KHDRBS2: variants seen among roughly 807,000 people sequenced by gnomAD.
KHDRBS2 encodes KH domain-containing, RNA-binding, signal transduction-associated protein 2.
Under a neutral mutation model 44.3 loss-of-function variants are expected in KHDRBS2, and 26 were observed. The ratio of observed to expected loss-of-function variants is 0.59; its 90% CI spans 0.43 to 0.81. KHDRBS2 has a LOEUF of 0.81. Ranked by LOEUF, KHDRBS2 falls within the 40% of genes least tolerant of loss-of-function variation. KHDRBS2 has a pLI of 0.00. For missense variants in KHDRBS2, 476 were observed against 433.1 expected, an observed-to-expected ratio of 1.10 and a Z score of -0.88; for synonymous variants, 194 against 151.1, an observed-to-expected ratio of 1.28 and a Z score of -2.08.
chr6:61,955,495 C>CAT lies in KHDRBS2; in HGVS notation c.483+22569_483+22570dup, dbSNP rs540193479. Reference sequence around the variant, plus strand: ...ATATACACATATGTATGTATGTATACATGTGTATATATACACATATGTATG... The same window carrying CAT: ...ATATACACATATGTATGTATGTATACATATGTGTATATATACACATATGTATG... On this transcript the variant is annotated intron_variant, in intron 4 of 8. Coordinates refer to ENST00000281156, the MANE Select transcript of KHDRBS2 (RefSeq NM_152688.4). 4.6e-3 allele frequency among the ~76,000 whole-genome samples: 224 copies of CAT among 48,574 alleles called. 25 individuals are homozygous for CAT. The highest frequency in any genetic ancestry group is 7.3e-3 in the South Asian group (8 of 1,092). 31.9% of individuals were successfully genotyped at this position (48,574 alleles called of 152,430 possible). A position where few individuals can be genotyped will look rare whatever the true frequency, so the allele number is the denominator to read the frequency against.
At chr6:61,868,452 G>T (rs868528471) in intron 6 of KHDRBS2, among the ~76,000 whole-genome samples, 1 of 152,110 alleles carries the variant, frequency 6.6e-6, no homozygotes, top group African/African-American at 2.4e-5. Flanking sequence ...AATGAATCAG[G>T]GTCCTGCTTA....
intron 6 of KHDRBS2, among the ~76,000 whole-genome samples, chr6:61,735,723 G>A (rs1452263211): frequency 6.6e-6 from 1 of 151,916 alleles, no homozygotes; most frequent in African/African-American, 2.4e-5. Flanking sequence ...TGTTACATAT[G>A]TGATATTGTA....
At chr6:62,141,977 A>G (rs1454860082) in intron 2 of KHDRBS2, among the ~76,000 whole-genome samples, 1 of 152,116 alleles carries the variant, frequency 6.6e-6, no homozygotes, top group Non-Finnish European at 1.5e-5. Context: ...AATTTTAAGT[A>G]GCCCTTACAA....
chr6:61,842,757 A>C (rs954286075), intron 6 of KHDRBS2, among the ~76,000 whole-genome samples: 1 of 152,172 alleles, frequency 6.6e-6, no homozygotes, highest in African/African-American at 2.4e-5. Flanking sequence ...TCCACACAAA[A>C]TCTTGTACAC....
At chr6:62,004,189 C>A (rs1205494975) in intron 3 of KHDRBS2, among the ~76,000 whole-genome samples, 1 of 152,074 alleles carries the variant, frequency 6.6e-6, no homozygotes, top group African/African-American at 2.4e-5. Flanking sequence ...CACGAAAAAT[C>A]CTTCAAAAAA....
At chr6:61,553,470 A>G in the KHDRBS2 span, among the ~76,000 whole-genome samples, 2 of 151,992 alleles carry the variant, frequency 1.3e-5, no homozygotes, top group Non-Finnish European at 2.9e-5. Flanking sequence ...GGATTCATTC[A>G]TCATTTGCAT....
intron 1 of KHDRBS2, among the ~76,000 whole-genome samples, chr6:62,191,258 T>G (rs2150131539): frequency 6.6e-6 from 1 of 152,250 alleles, no homozygotes; most frequent in East Asian, 1.9e-4. Flanking sequence ...TTTCTAGTCT[T>G]CTTTCTTGCC....
intron 1 of KHDRBS2, among the ~76,000 whole-genome samples, chr6:62,271,564 T>C (rs1427943946): frequency 6.6e-6 from 1 of 152,132 alleles, no homozygotes; most frequent in East Asian, 1.9e-4. Flanking sequence ...CAGAGGGAGA[T>C]ATGATTATCA....
chr6:62,227,676 TTTTTA>T (rs1446653564), intron 1 of KHDRBS2, among the ~76,000 whole-genome samples: 1 of 152,158 alleles, frequency 6.6e-6, no homozygotes, highest in East Asian at 1.9e-4. Context: ...TAAATAGTTG[TTTTTA>T]TTTTGAGATA....
the KHDRBS2 span, among the ~76,000 whole-genome samples, chr6:61,627,779 A>T: frequency 6.6e-6 from 1 of 152,234 alleles, no homozygotes; most frequent in African/African-American, 2.4e-5. Context: ...GTTGGTCTTG[A>T]TTTTCATCTC....
intron 3 of KHDRBS2, among the ~76,000 whole-genome samples, chr6:62,012,669 T>G (rs1245538724): frequency 6.6e-6 from 1 of 152,060 alleles, no homozygotes; most frequent in Admixed American, 6.6e-5. Context: ...CCACCTAGAG[T>G]GCACTTCTGA....
chr6:61,834,375 C>T (rs944577271), intron 6 of KHDRBS2, among the ~76,000 whole-genome samples: 8 of 151,910 alleles, frequency 5.3e-5, no homozygotes, highest in African/African-American at 1.9e-4. Context: ...TACAATGAAA[C>T]TACATAATGA....
chr6:61,796,339 A>G (rs1001137095), intron 6 of KHDRBS2, among the ~76,000 whole-genome samples: 2 of 151,960 alleles, frequency 1.3e-5, no homozygotes, highest in Non-Finnish European at 2.9e-5. Context: ...TGTAATTAGC[A>G]TATAATTATA....
chr6:62,071,661 C>T (rs1795127233), intron 2 of KHDRBS2, among the ~76,000 whole-genome samples: 1 of 152,052 alleles, frequency 6.6e-6, no homozygotes, highest in South Asian at 2.1e-4. Context: ...AGATATGTGG[C>T]ATTATTTCTG....
intron 6 of KHDRBS2, among the ~76,000 whole-genome samples, chr6:61,751,114 A>T (rs1481781912): frequency 6.6e-6 from 1 of 152,194 alleles, no homozygotes; most frequent in African/African-American, 2.4e-5. Context: ...CCCATTTTAT[A>T]ACTGAGGATA....
At chr6:61,765,465 A>C (rs2127574132) in intron 6 of KHDRBS2, among the ~76,000 whole-genome samples, 1 of 152,214 alleles carries the variant, frequency 6.6e-6, no homozygotes, top group African/African-American at 2.4e-5. Flanking sequence ...AAACAATAAA[A>C]AATAAATAAG....
chr6:62,229,951 A>C (rs1293708690), intron 1 of KHDRBS2, among the ~76,000 whole-genome samples: 1 of 152,196 alleles, frequency 6.6e-6, no homozygotes, highest in Non-Finnish European at 1.5e-5. Flanking sequence ...CCTTGGCCCC[A>C]GCTCCCAGTT....
chr6:61,596,416 T>G, the KHDRBS2 span, among the ~76,000 whole-genome samples: 1 of 152,162 alleles, frequency 6.6e-6, no homozygotes, highest in Non-Finnish European at 1.5e-5. Flanking sequence ...TACCAAAGAT[T>G]ATCTCAAATT....
chr6:61,732,589 A>G, intron 7 of KHDRBS2, 93 bp downstream of exon 7: 1 of 768,754 alleles, frequency 1.3e-6, no homozygotes, highest in Admixed American at 2.1e-5. Flanking sequence ...ACTACTAGAA[A>G]TTCTCACATG....
Sources: gnomAD v4.1 joint callset for allele counts (sites outside exome capture counted in the v4.1 genomes callset) on GRCh38, gnomAD v4.1.1 for gene constraint, MANE v1.5 for transcripts, NCBI Gene and HGNC (gene_info 2026-07-23, HGNC 2026-07-21) for gene names.